Variants in COL4A1 observed in about 807,000 individuals in gnomAD.
The protein encoded by COL4A1 is collagen alpha-1(IV) chain.
In COL4A1, 40 loss-of-function variants were observed where a neutral mutation model predicts 216.6. The ratio of observed to expected loss-of-function variants is 0.18; its 90% confidence interval spans 0.14 to 0.24. The LOEUF (loss-of-function observed/expected upper bound fraction) is 0.24. COL4A1 is among the 10% of genes least tolerant of loss of function. COL4A1 has a pLI of 1.00. For synonymous variants in COL4A1, 839 were observed against 810.7 expected (o/e 1.03, Z -0.59); for missense variants, 1,628 against 2,196.8 (o/e 0.74, Z 5.18).
chr13:110,234,609 G>A (rs1436743869), intron 2 of COL4A1, among the ~76,000 whole-genome samples: 1 of 152,112 alleles, frequency 6.6e-6, no homozygotes, highest in South Asian at 2.1e-4. Flanking sequence ...AAACAGGGGG[G>A]CGTTCAAATA....
chr13:110,216,943 C>T (rs1294391372), intron 2 of COL4A1, among the ~76,000 whole-genome samples: 1 of 152,196 alleles, frequency 6.6e-6, no homozygotes, highest in Non-Finnish European at 1.5e-5. Flanking sequence ...ACCGCAAGAA[C>T]ACATTCTTTC....
intron 26 of COL4A1, among the ~76,000 whole-genome samples, 192 bp downstream of exon 26, chr13:110,186,193 C>T (rs1297574365): frequency 3.9e-5 from 6 of 152,238 alleles, no homozygotes; most frequent in Admixed American, 3.9e-4. Context: ...TTACCTGGCC[C>T]ATCACATACA....
chr13:110,204,885 T>C (rs1374048669), intron 17 of COL4A1, among the ~76,000 whole-genome samples: 1 of 152,204 alleles, frequency 6.6e-6, no homozygotes, highest in African/African-American at 2.4e-5. Flanking sequence ...GCATGGATGT[T>C]CACATCATAA....
intron 26 of COL4A1, among the ~76,000 whole-genome samples, chr13:110,185,499 A>G (rs1192216475): frequency 1.3e-5 from 2 of 152,188 alleles, no homozygotes; most frequent in Non-Finnish European, 2.9e-5. Context: ...GATATTTTTA[A>G]TCACCTTAAG....
At chr13:110,200,773 C>T (rs1028809619) in intron 20 of COL4A1, 81 bp downstream of exon 20, 10 of 1,399,868 alleles carry the variant, frequency 7.1e-6, no homozygotes, top group Middle Eastern at 1.8e-4. Flanking sequence ...ATCTAACATT[C>T]GTGATAAATT....
chr13:110,289,286 G>A (rs1403347288), intron 1 of COL4A1, among the ~76,000 whole-genome samples: 4 of 151,542 alleles, frequency 2.6e-5, no homozygotes, highest in East Asian at 3.9e-4. Context: ...GCTCTAGCAC[G>A]ATCCAGGCCG....
intron 22 of COL4A1, among the ~76,000 whole-genome samples, chr13:110,194,690 T>G (rs1191781057): frequency 2.0e-5 from 3 of 152,202 alleles, no homozygotes; most frequent in Non-Finnish European, 4.4e-5. Flanking sequence ...AAGTCTCTTC[T>G]CAAACACTGA....
At chr13:110,231,152 G>C (rs1240634375) in intron 2 of COL4A1, among the ~76,000 whole-genome samples, 1 of 152,240 alleles carries the variant, frequency 6.6e-6, no homozygotes, top group African/African-American at 2.4e-5. Flanking sequence ...GATCCACCGA[G>C]GTGCCTCTTG....
chr13:110,182,742 C>A (rs1878225351), intron 28 of COL4A1, among the ~76,000 whole-genome samples: 1 of 152,244 alleles, frequency 6.6e-6, no homozygotes, highest in Non-Finnish European at 1.5e-5. Flanking sequence ...TTTCAGCGGG[C>A]ACCATTGGTG....
At chr13:110,184,462 C>A (rs1304063848) in intron 26 of COL4A1, among the ~76,000 whole-genome samples, 1 of 152,176 alleles carries the variant, frequency 6.6e-6, no homozygotes, top group African/African-American at 2.4e-5. Context: ...TCCATCAAAC[C>A]CGGTATCCCC....
chr13:110,253,717 A>G lies in COL4A1; in HGVS notation c.85-10983T>C, dbSNP rs1219844242. Among the ~76,000 whole-genome samples, 11 of 142,576 alleles carry G rather than the reference A, an allele frequency of 7.7e-5. 1 individual carries two copies. The highest frequency in any genetic ancestry group is 1.7e-4 in the Non-Finnish European group (11 of 65,958). The allele number at this position is 142,576 out of a possible 152,430, so 93.5% of individuals were successfully genotyped here. ...ATAATTATACGTATGTATTACATATACGTATAATTATACGTATGTATGTAT... is the reference window on the plus strand; with the variant it reads ...ATAATTATACGTATGTATTACATATGCGTATAATTATACGTATGTATGTAT... On this transcript the variant is annotated intron_variant, in intron 1 of 51. Transcript: ENST00000375820.
intron 48 of COL4A1, chr13:110,161,955 G>A (rs544235226): frequency 8.0e-6 from 4 of 497,476 alleles, no homozygotes; most frequent in South Asian, 4.7e-5. Flanking sequence ...ATTTGAAGAT[G>A]AGATCTAAAG....
At chr13:110,222,441 C>T (rs1594597163) in intron 2 of COL4A1, among the ~76,000 whole-genome samples, 1 of 152,070 alleles carries the variant, frequency 6.6e-6, no homozygotes, top group East Asian at 1.9e-4. Context: ...ACATTTTCCC[C>T]CAAATAAACT....
At chr13:110,157,734 A>C (rs984693448) in intron 49 of COL4A1, among the ~76,000 whole-genome samples, 1 of 152,050 alleles carries the variant, frequency 6.6e-6, no homozygotes, top group African/African-American at 2.4e-5. Flanking sequence ...CATTGCTTAG[A>C]CTCTAAGGTT....
Position 110,252,540 on chromosome 13 carries a change from GTATTA to G in COL4A1, c.85-9811_85-9807del, listed in dbSNP as rs1882150408. On this transcript the variant is annotated intron_variant, in intron 1 of 51. Transcript: ENST00000375820. ...TATACGTATAATTATACGTATATAT[GTATTA>G]TATATACGTATAATTATACGTATAT... Among the ~76,000 whole-genome samples, 22 of 8,394 alleles carry G rather than the reference GTATTA, an allele frequency of 2.6e-3. 2 individuals carry two copies. In the South Asian group the frequency reaches 0.19, roughly 71 times the overall value. 5.5% of individuals were successfully genotyped at this position (8,394 alleles called of 152,430 possible). A position where few individuals can be genotyped will look rare whatever the true frequency, so the allele number is the denominator to read the frequency against.
At chr13:110,281,157 C>A (rs114791128) in intron 1 of COL4A1, among the ~76,000 whole-genome samples, 3,121 of 152,268 alleles carry the variant, frequency 0.02, 106 homozygotes, top group African/African-American at 0.073. Flanking sequence ...CAAAACGTGG[C>A]CGGCACTCTC....
At chr13:110,218,780 C>A (rs1292081304) in intron 2 of COL4A1, among the ~76,000 whole-genome samples, 1 of 152,144 alleles carries the variant, frequency 6.6e-6, no homozygotes, top group African/African-American at 2.4e-5. Flanking sequence ...TTCGGGACCA[C>A]GATGGCCCTG....
rs1157368793 is a variant in COL4A1 at position 110,149,446 on chromosome 13, A to T, written c.*917T>A. 2 of 153,786 alleles carry T rather than the reference A, an allele frequency of 1.3e-5. No homozygotes were observed. The highest frequency in any genetic ancestry group is 2.9e-5 in the Non-Finnish European group (2 of 68,176). The allele number at this position is 153,786 out of a possible 1,614,324, so 9.5% of individuals were successfully genotyped here. A position where few individuals can be genotyped will look rare whatever the true frequency, so the allele number is the denominator to read the frequency against. ...TTAAAACCCTGAAAATATTTAATAC[A>T]GAATAAAAACAATAAGCTCAAAGTA... On this transcript the variant is annotated 3_prime_UTR_variant, in exon 52 of 52. Transcript: ENST00000375820.
At chr13:110,155,464 C>G (rs890307300) in intron 49 of COL4A1, 67 bp from the exon 50 acceptor site, 1 of 978,970 alleles carries the variant, frequency 1.0e-6, no homozygotes, top group African/African-American at 1.6e-5. Flanking sequence ...CCATGCACTG[C>G]CCCGTTACCT....
Sources: allele counts gnomAD v4.1 joint callset (sites outside exome capture counted in the v4.1 genomes callset), GRCh38; gene constraint gnomAD v4.1.1; transcripts MANE v1.5; gene names NCBI Gene and HGNC (gene_info 2026-07-23, HGNC 2026-07-21).